The following SPMIP3 variants were observed in gnomAD, a reference collection of about 807,000 sequenced individuals.
SPMIP3 encodes sperm microtubule inner protein 3.
At chr1:244,364,777 C>T in the SPMIP3 span, 3 of 1,613,454 alleles carry the variant, frequency 1.9e-6, no homozygotes, top group East Asian at 2.2e-5. Flanking sequence ...TCCAGATGCA[C>T]AGCCTCCGGG....
the SPMIP3 span, among the ~76,000 whole-genome samples, chr1:244,360,261 T>C: frequency 2.0e-5 from 3 of 152,050 alleles, no homozygotes; most frequent in African/African-American, 7.2e-5. Context: ...CTTCATACGC[T>C]GTTGGTAGGA....
chr1:244,375,910 G>A, the SPMIP3 span, among the ~76,000 whole-genome samples: 12 of 152,124 alleles, frequency 7.9e-5, no homozygotes, highest in East Asian at 9.7e-4. Context: ...CAAGTCATCC[G>A]CCCACTTTGG....
chr1:244,381,951 C>T, the SPMIP3 span, among the ~76,000 whole-genome samples: 1 of 152,116 alleles, frequency 6.6e-6, no homozygotes, highest in Admixed American at 6.6e-5. Context: ...AAAGCACACA[C>T]TGTCACTTCT....
chr1:244,357,594 A>C, the SPMIP3 span, among the ~76,000 whole-genome samples: 1 of 151,544 alleles, frequency 6.6e-6, no homozygotes, highest in African/African-American at 2.4e-5. Context: ...CTGTAATCCC[A>C]GTTACTCAGG....
chr1:244,363,530 C>T, the SPMIP3 span, among the ~76,000 whole-genome samples: 2 of 152,152 alleles, frequency 1.3e-5, no homozygotes, highest in Non-Finnish European at 2.9e-5. Context: ...TACAAAAAAT[C>T]CTCAGAAGGG....
chr1:244,386,098 A>C, the SPMIP3 span, among the ~76,000 whole-genome samples: 1 of 152,028 alleles, frequency 6.6e-6, no homozygotes, highest in East Asian at 1.9e-4. Flanking sequence ...AATTGTTTGA[A>C]CCCCAGGAGG....
the SPMIP3 span, among the ~76,000 whole-genome samples, chr1:244,361,298 C>T: frequency 1.3e-4 from 17 of 132,840 alleles, no homozygotes; most frequent in Non-Finnish European, 2.0e-4. Flanking sequence ...GGCTCGATCT[C>T]GGCTCACTGC....
chr1:244,361,235 C>CTTTTTTTTTTTTTTTTTTT, the SPMIP3 span, among the ~76,000 whole-genome samples: 6 of 119,314 alleles, frequency 5.0e-5, no homozygotes, highest in Non-Finnish European at 1.0e-4. Flanking sequence ...TTCTTTCTTT[C>CTTTTTTTTTTTTTTTTTTT]TTTTTTTTTT....
At chr1:244,359,005 T>C in the SPMIP3 span, among the ~76,000 whole-genome samples, 2 of 152,318 alleles carry the variant, frequency 1.3e-5, no homozygotes, top group South Asian at 2.1e-4. Flanking sequence ...AAGTTTACCA[T>C]ATGTTCATAC....
At chr1:244,379,941 C>G in the SPMIP3 span, among the ~76,000 whole-genome samples, 1 of 145,696 alleles carries the variant, frequency 6.9e-6, no homozygotes, top group Non-Finnish European at 1.5e-5. Context: ...GCACTCCAGC[C>G]TGGGCAACAG....
chr1:244,382,746 G>A, the SPMIP3 span, among the ~76,000 whole-genome samples: 1 of 151,666 alleles, frequency 6.6e-6, no homozygotes, highest in Non-Finnish European at 1.5e-5. Context: ...TGGGACTACA[G>A]GCGCGCACCA....
At chr1:244,360,883 CA>C in the SPMIP3 span, among the ~76,000 whole-genome samples, 39 of 138,050 alleles carry the variant, frequency 2.8e-4, no homozygotes, top group South Asian at 4.6e-4. Flanking sequence ...GACTCCGTCT[CA>C]AAAAAAAAAA....
the SPMIP3 span, among the ~76,000 whole-genome samples, chr1:244,360,543 CACACACACACACACATGCAT>C: frequency 3.4e-3 from 210 of 62,650 alleles, no homozygotes; most frequent in African/African-American, 9.9e-3. Flanking sequence ...CACACACACA[CACACACACACACACATGCAT>C]GCATGGAATA....
At chr1:244,362,625 G>A in the SPMIP3 span, among the ~76,000 whole-genome samples, 8 of 152,086 alleles carry the variant, frequency 5.3e-5, no homozygotes, top group Admixed American at 1.3e-4. Flanking sequence ...AATCAATGTG[G>A]AGAGTGGGAA....
chr1:244,367,092 G>A, the SPMIP3 span, among the ~76,000 whole-genome samples: 50 of 152,138 alleles, frequency 3.3e-4, no homozygotes, highest in East Asian at 5.8e-4. Flanking sequence ...AGAAGGGTGC[G>A]GTCTAGGGAG....
the SPMIP3 span, among the ~76,000 whole-genome samples, chr1:244,371,217 C>T: frequency 6.6e-6 from 1 of 152,226 alleles, no homozygotes; most frequent in Non-Finnish European, 1.5e-5. Flanking sequence ...CAAAATCACG[C>T]ACGGTGCCTG....
the SPMIP3 span, among the ~76,000 whole-genome samples, chr1:244,357,156 A>C: frequency 2.0e-5 from 3 of 151,858 alleles, no homozygotes; most frequent in Non-Finnish European, 4.4e-5. Context: ...TCCTGATCTC[A>C]AGTGATCCAC....
At chr1:244,358,305 C>T in the SPMIP3 span, among the ~76,000 whole-genome samples, 506 of 150,038 alleles carry the variant, frequency 3.4e-3, 2 homozygotes, top group African/African-American at 0.012. Flanking sequence ...ATGTATGGGC[C>T]GGGCATAATG....
the SPMIP3 span, among the ~76,000 whole-genome samples, chr1:244,380,866 G>A: frequency 6.6e-5 from 10 of 152,146 alleles, no homozygotes; most frequent in Admixed American, 5.9e-4. Context: ...TTGAGCCAGG[G>A]GTAGGGGTGG....
Sources: allele counts gnomAD v4.1 joint callset (sites outside exome capture counted in the v4.1 genomes callset), GRCh38; gene constraint gnomAD v4.1.1; transcripts MANE v1.5; gene names NCBI Gene and HGNC (gene_info 2026-07-23, HGNC 2026-07-21).